The following APBA2 variants were observed in gnomAD, a reference collection of about 807,000 sequenced individuals.
APBA2 encodes amyloid-beta A4 precursor protein-binding family A member 2.
Under a neutral mutation model 75.0 loss-of-function variants are expected in APBA2, and 30 were observed. That is an observed-to-expected ratio of 0.40 (90% CI 0.30 to 0.54). The LOEUF is 0.54. Ranked by LOEUF, APBA2 falls within the 20% of genes least tolerant of loss-of-function variation. The pLI is 0.49. For missense variants in APBA2, 801 were observed against 1,016.1 expected, an observed-to-expected ratio of 0.79 and a Z score of 2.88; for synonymous variants, 444 against 409.6, an observed-to-expected ratio of 1.08 and a Z score of -1.01.
chr15:29,116,443 G>A (rs769375817), intron 14 of APBA2, among the ~76,000 whole-genome samples: 19 of 151,966 alleles, frequency 1.3e-4, no homozygotes, highest in East Asian at 5.8e-4. Flanking sequence ...TGGCTAACAC[G>A]GTGAAACCCC....
At chr15:28,949,260 T>G (rs573297586) in intron 2 of APBA2, among the ~76,000 whole-genome samples, 1 of 152,180 alleles carries the variant, frequency 6.6e-6, no homozygotes, top group South Asian at 2.1e-4. Flanking sequence ...TGTATTCATG[T>G]GTGCATCAGG....
chr15:28,991,982 G>A lies in APBA2; in HGVS notation c.-94-3771G>A, dbSNP rs1466627789. On this transcript the variant is annotated intron_variant, in intron 2 of 14. Coordinates refer to ENST00000683413, the MANE Select transcript of APBA2 (RefSeq NM_001353788.2). The surrounding 1 kb of genome is among the most constrained non-coding windows in gnomAD (Gnocchi z 4.7). ...TAGCTCTGGGGCCAGCTAGAGGAAG[G>A]AGTGTGATTGTGCCTTCCCGGGACA... Among the ~76,000 whole-genome samples the A allele has an allele frequency of 5.3e-5, 8 of 152,196 alleles. No homozygotes were observed. Among genetic ancestry groups the A allele is most frequent in the African/African-American group, 1.7e-4 (7 of 41,454 alleles).
At chr15:28,902,976 A>G (rs1300929070) in intron 1 of APBA2, among the ~76,000 whole-genome samples, 1 of 152,308 alleles carries the variant, frequency 6.6e-6, no homozygotes, top group African/African-American at 2.4e-5. Flanking sequence ...TCTCAGATGC[A>G]GCCTGCCTGG....
At chr15:29,029,029 A>G (rs2040360021) in intron 3 of APBA2, among the ~76,000 whole-genome samples, 1 of 151,738 alleles carries the variant, frequency 6.6e-6, no homozygotes, top group Non-Finnish European at 1.5e-5. Context: ...CCATTTGTCA[A>G]TTTTTGCTTT....
At chr15:29,065,302 GA>G (rs2042332254) in intron 4 of APBA2, among the ~76,000 whole-genome samples, 1 of 151,332 alleles carries the variant, frequency 6.6e-6, no homozygotes, top group African/African-American at 2.4e-5. Flanking sequence ...AGAAGTTATA[GA>G]AGTATCTGTT....
rs200270603 is a variant in APBA2 at position 29,113,354 on chromosome 15, G to GC, written c.2038-522_2038-521insC. Among the ~76,000 whole-genome samples the GC allele has an allele frequency of 6.5e-3, 991 of 152,238 alleles. 8 individuals are homozygous for GC. The highest frequency in any genetic ancestry group is 0.023 in the African/African-American group (956 of 41,536). On this transcript the variant is annotated intron_variant, in intron 13 of 14. Transcript: ENST00000683413. ...AAAATGCCCTTACGTCACTTGGCGG[G>GC]GGGGGGATGTAGGAATAAAGTGACT...
chr15:29,080,861 C>T (rs1471478876), intron 6 of APBA2, among the ~76,000 whole-genome samples: 3 of 152,222 alleles, frequency 2.0e-5, no homozygotes, highest in South Asian at 4.1e-4. Flanking sequence ...GTAAATCTTA[C>T]TCTGCTTTTT....
At chr15:28,927,674 G>A (rs866182194) in intron 2 of APBA2, among the ~76,000 whole-genome samples, 2 of 151,128 alleles carry the variant, frequency 1.3e-5, no homozygotes, top group African/African-American at 2.4e-5. Context: ...TGATCCCCCC[G>A]CCTCAGCCTC....
chr15:28,947,680 G>T (rs749764714), intron 2 of APBA2, among the ~76,000 whole-genome samples: 2 of 152,138 alleles, frequency 1.3e-5, no homozygotes, highest in African/African-American at 2.4e-5. Context: ...AGAGCTCCTT[G>T]CCTGGGTCAT....
intron 10 of APBA2, among the ~76,000 whole-genome samples, chr15:29,103,824 G>A (rs1036442109): frequency 5.9e-5 from 9 of 152,186 alleles, no homozygotes; most frequent in African/African-American, 2.2e-4. Flanking sequence ...GCCGCCCTCC[G>A]CTCTTCCCAA....
At position 28,999,979 on chromosome 15, in the gene APBA2, A is replaced by G. The variant is rs139694381; in HGVS notation, c.-41+4173A>G. ...GGCAGAGAAGACCAATGTCCCAGTC[A>G]AGCAGTCAGGCAGAGAGTGAATTCA... On this transcript the variant is annotated intron_variant, in intron 3 of 14. Transcript: ENST00000683413. Among the ~76,000 whole-genome samples the G allele has an allele frequency of 3.7e-4, 57 of 152,220 alleles. No individual in the cohort carries two copies. The East Asian group carries it at 9.7e-3, about 26-fold the overall frequency.
At chr15:28,982,663 G>C (rs1304763882) in intron 2 of APBA2, among the ~76,000 whole-genome samples, 3 of 152,226 alleles carry the variant, frequency 2.0e-5, no homozygotes, top group Non-Finnish European at 2.9e-5. Flanking sequence ...TTGGAAAATA[G>C]GTTGATAAGG....
intron 2 of APBA2, among the ~76,000 whole-genome samples, chr15:28,974,549 C>T (rs1272426575): frequency 6.6e-6 from 1 of 152,136 alleles, no homozygotes; most frequent in Non-Finnish European, 1.5e-5. Flanking sequence ...CAAAGACAAC[C>T]TCAATGAGTT....
intron 13 of APBA2, among the ~76,000 whole-genome samples, chr15:29,109,885 C>T (rs1369741457): frequency 6.6e-6 from 1 of 152,234 alleles, no homozygotes; most frequent in African/African-American, 2.4e-5. Flanking sequence ...AGGAGGAGGC[C>T]CCGTGGCCCC....
At chr15:29,098,696 C>T in intron 9 of APBA2, 120 bp downstream of exon 9, 1 of 864,974 alleles carries the variant, frequency 1.2e-6, no homozygotes, top group Non-Finnish European at 1.9e-6. Context: ...CGCCCATCAA[C>T]CCAAGGCCCA....
intron 3 of APBA2, among the ~76,000 whole-genome samples, chr15:29,042,129 A>G (rs536446543): frequency 3.3e-5 from 5 of 152,278 alleles, no homozygotes; most frequent in Middle Eastern, 3.4e-3. Flanking sequence ...GATGTTCCCT[A>G]GTTTAGAGCC....
intron 4 of APBA2, among the ~76,000 whole-genome samples, chr15:29,063,318 G>A (rs62007192): frequency 0.07 from 7,575 of 108,756 alleles, no homozygotes; most frequent in African/African-American, 0.096. Context: ...TGGGTGATGC[G>A]GGGAGTTGAT....
intron 6 of APBA2, among the ~76,000 whole-genome samples, chr15:29,080,933 C>A (rs779193994): frequency 3.3e-5 from 5 of 152,198 alleles, no homozygotes; most frequent in Admixed American, 6.5e-5. Context: ...ACCCCACCAG[C>A]AGCTTGAGGC....
At chr15:28,962,857 T>C (rs2036548810) in intron 2 of APBA2, among the ~76,000 whole-genome samples, 1 of 152,226 alleles carries the variant, frequency 6.6e-6, no homozygotes, top group Admixed American at 6.5e-5. Flanking sequence ...CTGGTCTTCT[T>C]TAAATTGGTA....
Sources: gnomAD v4.1 joint callset for allele counts (sites outside exome capture counted in the v4.1 genomes callset) on GRCh38, gnomAD v4.1.1 for gene constraint, Gnocchi (gnomAD v3.1) non-coding constraint, MANE v1.5 for transcripts, NCBI Gene and HGNC (gene_info 2026-07-23, HGNC 2026-07-21) for gene names.